The following UGT1A6 variants were observed in gnomAD, a reference collection of about 807,000 sequenced individuals.
UGT1A6 encodes the protein UDP-glucuronosyltransferase 1A6.
Under a neutral mutation model 44.4 loss-of-function variants are expected in UGT1A6, and 32 were observed. That is an observed-to-expected ratio of 0.72 (90% CI 0.54 to 0.97). The LOEUF is 0.97. UGT1A6 is among the 50% of genes least tolerant of loss of function. The pLI is 0.00. For synonymous variants in UGT1A6, 238 were observed against 248.5 expected, an observed-to-expected ratio of 0.96 and a Z score of 0.40; for missense variants, 685 against 661.9, an observed-to-expected ratio of 1.03 and a Z score of -0.38.
At chr2:233,732,524 A>G (rs1199898466) in intron 1 of UGT1A6, among the ~76,000 whole-genome samples, 2 of 152,212 alleles carry the variant, frequency 1.3e-5, no homozygotes, top group African/African-American at 2.4e-5. Context: ...AGCTTTCTAC[A>G]TATGGCCAGT....
At chr2:233,718,660 T>C (rs2076672859) in intron 1 of UGT1A6, 2 of 1,533,748 alleles carry the variant, frequency 1.3e-6, no homozygotes, top group Admixed American at 3.9e-5. Flanking sequence ...GAAAGGCAGT[T>C]ATAGATTAAT....
chr2:233,744,098 G>A, intron 1 of UGT1A6: 1 of 409,610 alleles, frequency 2.4e-6, no homozygotes, highest in South Asian at 2.0e-5. Flanking sequence ...AGTGCTTCTG[G>A]GACTGGCCCT....
intron 1 of UGT1A6, among the ~76,000 whole-genome samples, chr2:233,717,526 T>C (rs1481309562): frequency 5.3e-5 from 8 of 152,182 alleles, no homozygotes; most frequent in Non-Finnish European, 1.0e-4. Context: ...ACTTCCTCCA[T>C]AAGGGAAGCC....
At chr2:233,759,575 A>C (rs1346908637) in intron 1 of UGT1A6, among the ~76,000 whole-genome samples, 4 of 151,412 alleles carry the variant, frequency 2.6e-5, no homozygotes, top group South Asian at 2.1e-4. Context: ...GTCATTCTCT[A>C]CCCCAGCACG....
intron 1 of UGT1A6, among the ~76,000 whole-genome samples, chr2:233,710,213 G>A (rs1438466149): frequency 6.6e-6 from 1 of 152,160 alleles, no homozygotes; most frequent in Non-Finnish European, 1.5e-5. Flanking sequence ...TGGCTATTAT[G>A]AATAAAGCTG....
At chr2:233,772,141 A>G in intron 4 of UGT1A6, 121 bp from the exon 5 acceptor site, 1 of 1,549,926 alleles carries the variant, frequency 6.5e-7, no homozygotes, top group South Asian at 1.2e-5. Context: ...CAATAATAGA[A>G]ACAGGTTTCC....
chr2:233,729,217 GT>G, intron 1 of UGT1A6: 1 of 1,614,140 alleles, frequency 6.2e-7, no homozygotes, highest in Non-Finnish European at 8.5e-7. Context: ...GAGTGGAAAG[GT>G]GTTGGTGGTG....
At position 233,693,758 on chromosome 2, in the gene UGT1A6, G is replaced by A; in HGVS notation, c.754G>A (p.Val252Ile). 1 of 1,614,234 alleles carries A rather than the reference G, an allele frequency of 6.2e-7. No homozygotes were observed. The highest frequency in any genetic ancestry group is 8.5e-7 in the Non-Finnish European group (1 of 1,180,050). The change falls in exon 1 of 5, where the codon GTT becomes ATT. Residue 252 changes from valine (V) to isoleucine (I), a missense_variant. Physicochemically the swap from Val to Ile is conservative, Grantham distance 29. Transcript: ENST00000305139. ...AATCACCTTATATCAGAAGGTCTCT[G>A]TTTGGCTGTTAAGATATGACTTTGT... ...DIITLYQKVS[V>I]WLLRYDFVLE...
intron 1 of UGT1A6, among the ~76,000 whole-genome samples, chr2:233,745,719 G>A (rs946550839): frequency 2.7e-5 from 4 of 150,636 alleles, no homozygotes; most frequent in African/African-American, 5.0e-5. Flanking sequence ...CAGAATGGCT[G>A]GAGGGTAAGA....
intron 2 of UGT1A6, 81 bp from the exon 3 acceptor site, chr2:233,767,768 G>A (rs1166342197): frequency 1.9e-5 from 30 of 1,610,020 alleles, no homozygotes; most frequent in Non-Finnish European, 2.5e-5. Flanking sequence ...GAGGACCCCT[G>A]TTTTCTAGTT....
chr2:233,725,676 T>G (rs889497108), intron 1 of UGT1A6, among the ~76,000 whole-genome samples: 6 of 152,226 alleles, frequency 3.9e-5, no homozygotes, highest in African/African-American at 9.6e-5. Flanking sequence ...TAGTCACATT[T>G]CAAGTGCTCA....
At chr2:233,746,173 T>C (rs1289105015) in intron 1 of UGT1A6, among the ~76,000 whole-genome samples, 1 of 151,822 alleles carries the variant, frequency 6.6e-6, no homozygotes, top group Non-Finnish European at 1.5e-5. Context: ...AAATCTTGCC[T>C]GTAAGGAATA....
rs1369238146 is a variant in UGT1A6, at chr2:233,713,189, T to C, written c.861+19324T>C. 3 of 1,614,214 alleles carry C rather than the reference T, an allele frequency of 1.9e-6. No individual in the cohort carries two copies. The East Asian group carries it at 6.7e-5, about 36-fold the overall frequency. On this transcript the variant is annotated intron_variant, in intron 1 of 4. Coordinates refer to ENST00000305139, the MANE Select transcript of UGT1A6 (RefSeq NM_001072.4). ...TGGTGGTCCTCACCCTGGAGGTGAA[T>C]ATGTACATCAAAGAAGAGAACTTTT...
chr2:233,706,368 A>G (rs970049717), intron 1 of UGT1A6, among the ~76,000 whole-genome samples: 7 of 152,312 alleles, frequency 4.6e-5, no homozygotes, highest in Middle Eastern at 3.4e-3. Context: ...AATTTAGGCC[A>G]TTGTACAAAA....
chr2:233,760,572 C>T (rs1697490823), intron 1 of UGT1A6: 12 of 1,614,062 alleles, frequency 7.4e-6, no homozygotes, highest in East Asian at 2.2e-5. Context: ...TTGTTAGTCT[C>T]GGGCATAATG....
At chr2:233,709,134 A>G (rs2076059610) in intron 1 of UGT1A6, among the ~76,000 whole-genome samples, 1 of 152,060 alleles carries the variant, frequency 6.6e-6, no homozygotes, top group Non-Finnish European at 1.5e-5. Flanking sequence ...GGCCAAGGGG[A>G]TGAGACGTGC....
chr2:233,742,039 T>C (rs553186051), intron 1 of UGT1A6: 6 of 152,044 alleles, frequency 3.9e-5, no homozygotes, highest in African/African-American at 1.5e-4. Context: ...GTCCCAAGCA[T>C]AGCAATAGGA....
At chr2:233,772,194 T>C (rs921300076) in intron 4 of UGT1A6, 68 bp from the exon 5 acceptor site, 7 of 1,602,000 alleles carry the variant, frequency 4.4e-6, no homozygotes, top group Non-Finnish European at 6.0e-6. Context: ...TAAGCAGCCA[T>C]GAGCATAAAG....
At chr2:233,695,130 C>CTTTCTTTTTTTTTTTTTTTTTTTT (rs1364557158) in intron 1 of UGT1A6, among the ~76,000 whole-genome samples, 2 of 138,840 alleles carry the variant, frequency 1.4e-5, no homozygotes, top group Middle Eastern at 3.4e-3. Flanking sequence ...CTTTTCTTTT[C>CTTTCTTTTTTTTTTTTTTTTTTTT]TTTTTTTTTT....
Sources: gnomAD v4.1 joint callset for allele counts (sites outside exome capture counted in the v4.1 genomes callset) on GRCh38, gnomAD v4.1.1 for gene constraint, MANE v1.5 for transcripts, NCBI Gene and HGNC (gene_info 2026-07-23, HGNC 2026-07-21) for gene names.